The following FSHR variants were observed in gnomAD, a reference collection of about 807,000 sequenced individuals.
FSHR encodes follicle stimulating hormone receptor, also known as follicle-stimulating hormone receptor.
FSHR carries 46 observed loss-of-function variants against 52.1 expected under a neutral mutation model. The observed-to-expected ratio is 0.88, with a 90% CI of 0.70 to 1.13. The LOEUF (loss-of-function observed/expected upper bound fraction) is 1.13. Ranked by LOEUF, FSHR falls within the 50% of genes most tolerant of loss-of-function variation. The pLI is 0.00. For missense variants in FSHR, 964 were observed against 834.6 expected, an observed-to-expected ratio of 1.16 and a Z score of -1.91; for synonymous variants, 399 against 309.6, an observed-to-expected ratio of 1.29 and a Z score of -3.03.
rs151037944 is a variant in FSHR, at chr2:49,143,810, C to T, written c.152+10456G>A. 3.9e-5 allele frequency among the ~76,000 whole-genome samples: 6 copies of T among 152,248 alleles called. No individual in the cohort carries two copies. In the East Asian group the frequency reaches 1.2e-3, roughly 29 times the overall value. On this transcript the variant is annotated intron_variant, in intron 1 of 9. Transcript: ENST00000406846. ...AGTTTGAGAAGTGTTACTTGGTTGA[C>T]TCTAGAAAATGGAAGCCAAAGTGAT...
chr2:49,127,844 CTT>C (rs1558456805), intron 1 of FSHR, among the ~76,000 whole-genome samples: 2 of 20,988 alleles, frequency 9.5e-5, no homozygotes, highest in African/African-American at 3.4e-4. Context: ...TCTTCTTCTT[CTT>C]CTTCTTCTTC....
chr2:48,987,573 C>T (rs545100942), intron 6 of FSHR, among the ~76,000 whole-genome samples: 2 of 152,078 alleles, frequency 1.3e-5, no homozygotes, highest in Admixed American at 6.5e-5. Flanking sequence ...GTTCCCTCTG[C>T]ACGCCCTTTG....
chr2:49,126,451 A>T (rs999669911), intron 1 of FSHR, among the ~76,000 whole-genome samples: 1 of 152,156 alleles, frequency 6.6e-6, no homozygotes, highest in Non-Finnish European at 1.5e-5. Context: ...CATGACCTAG[A>T]CACTTCCCAT....
chr2:48,965,820 G>A (rs1674454249), intron 9 of FSHR, among the ~76,000 whole-genome samples: 1 of 152,190 alleles, frequency 6.6e-6, no homozygotes, highest in Non-Finnish European at 1.5e-5. Context: ...AATAACTTAT[G>A]TCTCTGAGAT....
intron 1 of FSHR, among the ~76,000 whole-genome samples, chr2:49,120,054 G>C (rs540734299): frequency 6.6e-6 from 1 of 152,324 alleles, no homozygotes; most frequent in South Asian, 2.1e-4. Context: ...TGGATCACTT[G>C]AGGTTAGGAG....
At position 49,027,506 on chromosome 2, in the gene FSHR, C is replaced by A. The variant is rs578006364; in HGVS notation, c.225-7346G>T. ...CTAGTCTTTGTGCTTGGGAGCCATG[C>A]ATAGGATAATTATTTGGGAAAGCAA... On this transcript the variant is annotated intron_variant, in intron 2 of 9. Coordinates refer to ENST00000406846, the MANE Select transcript of FSHR (RefSeq NM_000145.4). Among the ~76,000 whole-genome samples, 12 of 152,146 alleles carry A rather than the reference C, an allele frequency of 7.9e-5. No individual in the cohort carries two copies. In the South Asian group the frequency reaches 1.7e-3, roughly 21 times the overall value.
chr2:48,963,758 G>T lies in FSHR; in HGVS notation c.1063C>A (p.Pro355Thr), dbSNP rs1674344998. 6.2e-7 allele frequency: 1 copy of T among 1,613,970 alleles called. No individual in the cohort carries two copies. ...TCSPKPDAFN[P>T]CEDIMGYNIL... ...TTGTACCCCATGATATCTTCACATG[G>T]GTTGAATGCATCTGGCTTAGGGGAG... Residue 355 changes from proline to threonine, a missense_variant, in exon 10 of 10, where the codon CCA becomes ACA. By Grantham distance (38) the Pro-to-Thr change is conservative. Coordinates refer to ENST00000406846, the MANE Select transcript of FSHR (RefSeq NM_000145.4).
intron 1 of FSHR, among the ~76,000 whole-genome samples, chr2:49,099,117 C>T (rs559782568): frequency 4.0e-5 from 6 of 151,866 alleles, no homozygotes; most frequent in African/African-American, 1.4e-4. Flanking sequence ...ATTTTTCCCC[C>T]AAAATATGTT....
chr2:49,043,707 A>T (rs1204365091), intron 2 of FSHR, among the ~76,000 whole-genome samples: 1 of 152,220 alleles, frequency 6.6e-6, no homozygotes, highest in Non-Finnish European at 1.5e-5. Flanking sequence ...TCAGTGCATG[A>T]AGCAGCTTCT....
chr2:48,982,694 C>T (rs1036790833), intron 8 of FSHR, among the ~76,000 whole-genome samples: 38 of 152,298 alleles, frequency 2.5e-4, no homozygotes, highest in African/African-American at 7.7e-4. Flanking sequence ...ACACTCTGTA[C>T]GTGCTCATTA....
intron 1 of FSHR, among the ~76,000 whole-genome samples, chr2:49,104,583 C>T (rs182305427): frequency 3.4e-4 from 52 of 152,152 alleles, no homozygotes; most frequent in Non-Finnish European, 6.0e-4. Context: ...GGTTGACTTG[C>T]GAAATTAAGT....
chr2:48,972,746 T>C (rs985481481), intron 8 of FSHR, among the ~76,000 whole-genome samples: 10 of 152,230 alleles, frequency 6.6e-5, no homozygotes, highest in African/African-American at 1.9e-4. Flanking sequence ...AGAAGTCCTT[T>C]AGGAACAATT....
At chr2:49,151,668 G>A (rs1185752908) in intron 1 of FSHR, among the ~76,000 whole-genome samples, 1 of 152,090 alleles carries the variant, frequency 6.6e-6, no homozygotes, top group Non-Finnish European at 1.5e-5. Context: ...AGCAATTGCA[G>A]TCAATGAAGT....
chr2:49,030,320 G>A (rs923173090), intron 2 of FSHR, among the ~76,000 whole-genome samples: 3 of 147,916 alleles, frequency 2.0e-5, no homozygotes, highest in African/African-American at 7.5e-5. Flanking sequence ...GTGTGTTATT[G>A]GAGGCTGTCC....
At chr2:49,124,110 A>G in intron 1 of FSHR, among the ~76,000 whole-genome samples, 1 of 150,870 alleles carries the variant, frequency 6.6e-6, no homozygotes. Flanking sequence ...TCTCTGTCTC[A>G]GCCTCCCGAG....
chr2:49,013,463 A>AATAT (rs373195880), intron 4 of FSHR, among the ~76,000 whole-genome samples: 201 of 133,254 alleles, frequency 1.5e-3, no homozygotes, highest in Admixed American at 4.0e-3. Flanking sequence ...TATATATATA[A>AATAT]ATATATATAT....
chr2:49,120,007 C>G (rs1038944443), intron 1 of FSHR, among the ~76,000 whole-genome samples: 1 of 152,212 alleles, frequency 6.6e-6, no homozygotes, highest in Admixed American at 6.5e-5. Flanking sequence ...TCGTGGCTCA[C>G]ACCTGTAATC....
chr2:49,039,016 C>T (rs1668392142), intron 2 of FSHR, among the ~76,000 whole-genome samples: 1 of 152,156 alleles, frequency 6.6e-6, no homozygotes, highest in East Asian at 1.9e-4. Flanking sequence ...AGTATGCCTT[C>T]TGAGACTTCA....
chr2:49,005,610 G>T (rs1214733415), intron 4 of FSHR, among the ~76,000 whole-genome samples: 1 of 152,046 alleles, frequency 6.6e-6, no homozygotes, highest in African/African-American at 2.4e-5. Context: ...AGGGTTTTAG[G>T]GGTTACTGAA....
Sources: allele counts gnomAD v4.1 joint callset (sites outside exome capture counted in the v4.1 genomes callset), GRCh38; gene constraint gnomAD v4.1.1; transcripts MANE v1.5; gene names NCBI Gene and HGNC (gene_info 2026-07-23, HGNC 2026-07-21).